Variants in POLA1 observed in about 807,000 individuals in gnomAD.
POLA1 encodes the protein DNA polymerase alpha 1, catalytic subunit.
In POLA1, 15 loss-of-function variants were observed where a neutral mutation model predicts 124.0. The observed-to-expected ratio is 0.12, with a 90% CI of 0.08 to 0.19. The LOEUF is 0.19. Ranked by LOEUF, POLA1 falls within the 10% of genes least tolerant of loss-of-function variation. POLA1 has a pLI of 1.00. For missense variants in POLA1, 886 were observed against 1,103.4 expected, an observed-to-expected ratio of 0.80 and a Z score of 2.79; for synonymous variants, 408 against 389.4, an observed-to-expected ratio of 1.05 and a Z score of -0.56.
intron 26 of POLA1, among the ~76,000 whole-genome samples, chrX:24,766,690 G>T (rs1454050260): frequency 9.0e-6 from 1 of 111,553 alleles, no homozygotes; most frequent in African/African-American, 3.3e-5. Context: ...TGAAGGAGCT[G>T]GGTTTATCAG....
At chrX:24,921,873 C>T (rs1448504353) in intron 35 of POLA1, among the ~76,000 whole-genome samples, 3 of 93,686 alleles carry the variant, frequency 3.2e-5, no homozygotes, top group African/African-American at 2.0e-4. Flanking sequence ...CCAAACATTC[C>T]AGATGTCAGT....
At chrX:24,894,392 C>A in intron 35 of POLA1, among the ~76,000 whole-genome samples, 1 of 111,731 alleles carries the variant, frequency 9.0e-6, no homozygotes, top group African/African-American at 3.2e-5. Context: ...TTTTTTGGAC[C>A]CAAATGGCTT....
chrX:24,757,839 A>G (rs1386055641), intron 26 of POLA1, among the ~76,000 whole-genome samples: 1 of 111,637 alleles, frequency 9.0e-6, no homozygotes, highest in Non-Finnish European at 1.9e-5. Context: ...ATCCAGTATA[A>G]TGTAAATATT....
chrX:24,700,727 T>C (rs756275107), intron 2 of POLA1, among the ~76,000 whole-genome samples: 1 of 111,907 alleles, frequency 8.9e-6, no homozygotes, highest in African/African-American at 3.2e-5. Context: ...CAGGCTGGTC[T>C]TGAACTCTTG....
intron 26 of POLA1, among the ~76,000 whole-genome samples, chrX:24,752,933 G>A (rs923773085): frequency 9.0e-6 from 1 of 111,273 alleles, no homozygotes; most frequent in Non-Finnish European, 1.9e-5. Context: ...TAATCTAAAG[G>A]GAATTGGAAA....
At position 24,843,685 on chromosome X, in the gene POLA1, T is replaced by A; in HGVS notation, c.4047+8T>A. 4.5e-6 allele frequency: 5 copies of A among 1,115,164 alleles called. No individual in the cohort carries two copies. The highest frequency in any genetic ancestry group is 6.1e-6 in the Non-Finnish European group (5 of 824,702). The allele number at this position is 1,115,164 out of a possible 1,213,427, so 91.9% of individuals were successfully genotyped here. A position where few individuals can be genotyped will look rare whatever the true frequency, so the allele number is the denominator to read the frequency against. On this transcript the variant is annotated splice_region_variant and intron_variant, in intron 34 of 36. Coordinates refer to ENST00000379068, the MANE Select transcript of POLA1 (RefSeq NM_001330360.2). ...ATTAAAAAGTACTATGATGTAAGTA[T>A]CCATAATGATATTCTTACATACACA...
intron 26 of POLA1, among the ~76,000 whole-genome samples, chrX:24,801,970 T>TGTGTGTGA (rs1339175196): frequency 4.7e-5 from 5 of 106,021 alleles, no homozygotes; most frequent in Non-Finnish European, 5.8e-5. Context: ...TGTGTGTGTG[T>TGTGTGTGA]GACATTTATT....
rs781588704 is a variant in POLA1, at chrX:24,823,007, A to C, written c.3561+1424A>C. 2.5e-3 allele frequency among the ~76,000 whole-genome samples: 279 copies of C among 111,961 alleles called. 4 individuals are homozygous for C. The highest frequency in any genetic ancestry group is 0.021 in the Admixed American group (226 of 10,588). On this transcript the variant is annotated intron_variant, in intron 31 of 36. Transcript: ENST00000379068. ...AAATAGGATGATCATTGTATTTAAA[A>C]GTCTGTTTTGTGTCCCTTGATGTCT... is the stretch of plus-strand genomic sequence containing the variant.
intron 26 of POLA1, among the ~76,000 whole-genome samples, chrX:24,752,840 T>C (rs1932391052): frequency 9.0e-6 from 1 of 111,576 alleles, no homozygotes; most frequent in South Asian, 3.8e-4. Context: ...CATAGCAAGT[T>C]AATTCTTCTA....
intron 35 of POLA1, among the ~76,000 whole-genome samples, chrX:24,919,980 GGGACTACAGGTGTGTGCCACCACACCC>G (rs1349755753): frequency 9.4e-6 from 1 of 106,455 alleles, no homozygotes; most frequent in Non-Finnish European, 1.9e-5. Flanking sequence ...CCAAGTAGCT[GGGACTACAGGTGTGTGCCACCACACCC>G]GGCTAATTTT....
At chrX:24,947,221 C>CA (rs927932884) in intron 36 of POLA1, among the ~76,000 whole-genome samples, 1 of 91,643 alleles carries the variant, frequency 1.1e-5, no homozygotes, top group African/African-American at 4.0e-5. Flanking sequence ...CATTTGATAG[C>CA]AGCTGGTTGT....
At chrX:24,853,650 TAGAAA>T (rs2046597106) in intron 34 of POLA1, among the ~76,000 whole-genome samples, 1 of 112,472 alleles carries the variant, frequency 8.9e-6, no homozygotes, top group African/African-American at 3.2e-5. Flanking sequence ...AATTGAAAGC[TAGAAA>T]TTTGTCGTTG....
At chrX:24,727,716 C>CT in intron 14 of POLA1, 66 bp from the exon 15 acceptor site, 1 of 910,409 alleles carries the variant, frequency 1.1e-6, no homozygotes, top group South Asian at 2.5e-5. Flanking sequence ...TGACAGATGT[C>CT]TTAATTATAG....
intron 36 of POLA1, among the ~76,000 whole-genome samples, chrX:24,987,661 G>A (rs2048493788): frequency 9.0e-6 from 1 of 111,502 alleles, no homozygotes; most frequent in Non-Finnish European, 1.9e-5. Flanking sequence ...TATGGCATCT[G>A]TGGATCCATG....
At chrX:24,887,591 G>A (rs756005591) in intron 34 of POLA1, among the ~76,000 whole-genome samples, 46 of 111,739 alleles carry the variant, frequency 4.1e-4, no homozygotes, top group African/African-American at 1.4e-3. Flanking sequence ...CAGCAATTAA[G>A]TAACTAGCCA....
intron 4 of POLA1, among the ~76,000 whole-genome samples, chrX:24,712,277 G>C (rs1569276162): frequency 9.1e-6 from 1 of 110,238 alleles, no homozygotes; most frequent in Non-Finnish European, 1.9e-5. Context: ...GTAGAGATGG[G>C]GTTTCACTAT....
intron 26 of POLA1, among the ~76,000 whole-genome samples, chrX:24,777,882 G>C: frequency 8.9e-6 from 1 of 112,384 alleles, no homozygotes; most frequent in South Asian, 3.7e-4. Flanking sequence ...CTAATATAAA[G>C]AGGAAGTGAA....
chrX:24,712,962 A>AT (rs1929562475), intron 4 of POLA1, among the ~76,000 whole-genome samples: 1 of 109,896 alleles, frequency 9.1e-6, no homozygotes, highest in Non-Finnish European at 1.9e-5. Flanking sequence ...TATTTTTTTT[A>AT]TTTTTTTATT....
chrX:24,874,644 A>G (rs1488943862), intron 34 of POLA1, among the ~76,000 whole-genome samples: 7 of 112,220 alleles, frequency 6.2e-5, no homozygotes, highest in African/African-American at 2.3e-4. Context: ...GCTGCACATT[A>G]GAATCACTTG....
Sources: allele counts gnomAD v4.1 joint callset (sites outside exome capture counted in the v4.1 genomes callset), GRCh38; gene constraint gnomAD v4.1.1; transcripts MANE v1.5; gene names NCBI Gene and HGNC (gene_info 2026-07-23, HGNC 2026-07-21).